FHIP2A: variants seen among roughly 807,000 people sequenced by gnomAD.
FHIP2A encodes FHF complex subunit HOOK interacting protein 2A.
Under a neutral mutation model 93.5 loss-of-function variants are expected in FHIP2A, and 46 were observed. The observed-to-expected ratio is 0.49, with a 90% CI of 0.39 to 0.63. The LOEUF (loss-of-function observed/expected upper bound fraction) is 0.63, where lower values mean the gene tolerates loss of function less well. Among genes scored for constraint, FHIP2A ranks in the 20% least tolerant of loss-of-function variants. The pLI is 0.00. For missense variants in FHIP2A, 769 were observed against 909.7 expected, an observed-to-expected ratio of 0.85 and a Z score of 1.99; for synonymous variants, 332 against 326.5, an observed-to-expected ratio of 1.02 and a Z score of -0.18.
downstream of FHIP2A, among the ~76,000 whole-genome samples, chr10:114,866,946 C>T (rs569232228): frequency 5.9e-5 from 9 of 152,314 alleles, no homozygotes; most frequent in South Asian, 1.2e-3. Context: ...CGGTAGCTCA[C>T]GCCTGTAATC....
At chr10:114,876,062 G>C (rs1435715615) in intron 16 of FHIP2A, among the ~76,000 whole-genome samples, 1 of 152,170 alleles carries the variant, frequency 6.6e-6, no homozygotes, top group Admixed American at 6.5e-5. Context: ...TGAGGGGAAA[G>C]ACTGAGGAGG....
intron 16 of FHIP2A, among the ~76,000 whole-genome samples, chr10:114,882,163 C>T (rs1188837813): frequency 6.6e-6 from 1 of 152,188 alleles, no homozygotes; most frequent in Non-Finnish European, 1.5e-5. Flanking sequence ...GGAGCAGCCT[C>T]AGCTGGGTGG....
intron 8 of FHIP2A, 87 bp from the exon 9 acceptor site, chr10:114,845,926 G>T: frequency 9.8e-7 from 1 of 1,023,318 alleles, no homozygotes; most frequent in Non-Finnish European, 1.5e-6. Flanking sequence ...CATTAATTCA[G>T]TTGGGAGTCC....
At chr10:114,832,636 A>G (rs2083613839) in intron 2 of FHIP2A, among the ~76,000 whole-genome samples, 2 of 151,822 alleles carry the variant, frequency 1.3e-5, no homozygotes, top group African/African-American at 2.4e-5. Flanking sequence ...TCATGTTCCC[A>G]TTTCCCACAT....
chr10:114,847,268 C>G (rs1488861328), intron 12 of FHIP2A, 35 bp downstream of exon 12: 2 of 1,574,584 alleles, frequency 1.3e-6, no homozygotes, highest in South Asian at 2.3e-5. Context: ...TTCCATCTCT[C>G]TTGTTTTTTG....
intron 15 of FHIP2A, 65 bp downstream of exon 15, chr10:114,860,954 C>A: frequency 6.9e-7 from 1 of 1,439,660 alleles, no homozygotes; most frequent in South Asian, 1.2e-5. Flanking sequence ...ATGTTAATAT[C>A]ATTGTATGCA....
chr10:114,841,383 C>T (rs11196946), intron 5 of FHIP2A, among the ~76,000 whole-genome samples: 18,357 of 149,964 alleles, frequency 0.12, 1,279 homozygotes, highest in East Asian at 0.21. Context: ...ACCTCTGCCT[C>T]CCAGATTCAA....
At chr10:114,870,851 A>G (rs1224532320) in intron 16 of FHIP2A, among the ~76,000 whole-genome samples, 2 of 152,122 alleles carry the variant, frequency 1.3e-5, no homozygotes, top group African/African-American at 4.8e-5. Flanking sequence ...CTAGGACGCT[A>G]CAAACTACAT....
At chr10:114,823,535 C>A (rs1045379287) in intron 1 of FHIP2A, among the ~76,000 whole-genome samples, 2 of 151,954 alleles carry the variant, frequency 1.3e-5, no homozygotes, top group Non-Finnish European at 1.5e-5. Flanking sequence ...CATTCTGTCA[C>A]CCAGGTTGGA....
At position 114,847,187 on chromosome 10, in the gene FHIP2A, C is replaced by A; in HGVS notation, c.1666C>A (p.His556Asn). The change falls in exon 12 of 17, where the codon CAC becomes AAC. Residue 556 changes from histidine to asparagine, a missense_variant. Coordinates refer to ENST00000369248, the MANE Select transcript of FHIP2A (RefSeq NM_020940.4). Reference sequence around the variant, plus strand: ...TTCTTCACCTCCTGCTACTCCAGACCACCCCAAAAATGATGGAAAAACTGA... The same window carrying A: ...TTCTTCACCTCCTGCTACTCCAGACAACCCCAAAAATGATGGAAAAACTGA... ...LSSSPPATPD[H>N]PKNDGKTEVH... 6.2e-7 allele frequency: 1 copy of A among 1,613,270 alleles called. No homozygotes were observed. Among genetic ancestry groups the A allele is most frequent in the Non-Finnish European group, 8.5e-7 (1 of 1,179,612 alleles).
At chr10:114,886,538 T>C (rs2083943714) in intron 16 of FHIP2A, among the ~76,000 whole-genome samples, 1 of 152,200 alleles carries the variant, frequency 6.6e-6, no homozygotes, top group South Asian at 2.1e-4. Context: ...TTGCTATTTT[T>C]GTGTTTTGGT....
intron 16 of FHIP2A, among the ~76,000 whole-genome samples, chr10:114,893,239 T>C (rs1286033492): frequency 6.6e-6 from 1 of 152,226 alleles, no homozygotes; most frequent in Non-Finnish European, 1.5e-5. Context: ...AGAGAATGAT[T>C]AGATAAACTA....
At chr10:114,859,339 C>T (rs977623972) in intron 14 of FHIP2A, among the ~76,000 whole-genome samples, 8 of 152,180 alleles carry the variant, frequency 5.3e-5, no homozygotes, top group Non-Finnish European at 7.3e-5. Context: ...GCAGAACTGG[C>T]GTGTGCCCGA....
At chr10:114,866,739 C>A (rs1323116600), downstream of FHIP2A, among the ~76,000 whole-genome samples, 1 of 151,916 alleles carries the variant, frequency 6.6e-6, no homozygotes, top group African/African-American at 2.4e-5. Context: ...GAAACGAGAC[C>A]CAAATGGTGT....
At chr10:114,855,421 A>C in intron 14 of FHIP2A, 81 bp downstream of exon 14, 1 of 1,176,124 alleles carries the variant, frequency 8.5e-7, no homozygotes, top group Non-Finnish European at 1.2e-6. Flanking sequence ...GTAGATCTTC[A>C]ATAAAGTACT....
At chr10:114,860,356 CTTTT>C (rs1017849131) in intron 14 of FHIP2A, among the ~76,000 whole-genome samples, 1 of 151,244 alleles carries the variant, frequency 6.6e-6, no homozygotes, top group Non-Finnish European at 1.5e-5. Context: ...ATTCTGCTTT[CTTTT>C]TTTTTGTTTG....
chr10:114,878,244 A>G lies in FHIP2A; in HGVS notation c.2192+16910A>G, dbSNP rs138671046. Among the ~76,000 whole-genome samples the G allele has an allele frequency of 6.8e-3, 1,039 of 152,308 alleles. 8 individuals carry two copies. Among genetic ancestry groups the G allele is most frequent in the African/African-American group, 0.024 (998 of 41,566 alleles). The stretch of plus-strand genomic sequence containing the variant: ...GCATTATGAATGGCTGCCTAGAATC[A>G]CATTTTGTGAACATACTTCAAATCA... On this transcript the variant is annotated intron_variant, in intron 16 of 16. Transcript: ENST00000369250.
Position 114,864,281 on chromosome 10 carries a change from A to T in FHIP2A, c.*2741A>T. 4 of 984,164 alleles carry T rather than the reference A, an allele frequency of 4.1e-6. No individual in the cohort carries two copies. Among genetic ancestry groups the T allele is most frequent in the Non-Finnish European group, 4.8e-6 (4 of 828,310 alleles). 61.0% of individuals were successfully genotyped at this position (984,164 alleles called of 1,614,324 possible). On this transcript the variant is annotated 3_prime_UTR_variant, in exon 17 of 17. Coordinates refer to ENST00000369248, the MANE Select transcript of FHIP2A (RefSeq NM_020940.4). ...ATTAACATACAATTGCCATTTAATT[A>T]TGAAGTCCATCAGTATTGACAGAAG...
Position 114,862,659 on chromosome 10 carries a change from C to T in FHIP2A, c.*1119C>T. 1 of 985,692 alleles carries T rather than the reference C, an allele frequency of 1.0e-6. No homozygotes were observed. Among genetic ancestry groups the T allele is most frequent in the South Asian group, 4.7e-5 (1 of 21,290 alleles). The allele number at this position is 985,692 out of a possible 1,614,324, so 61.1% of individuals were successfully genotyped here. A position where few individuals can be genotyped will look rare whatever the true frequency, so the allele number is the denominator to read the frequency against. ...TGTAGGAACCTGTAGTTCAGCAAAG[C>T]TGCGCTGGGCACAGCATGCTTGTAC... On this transcript the variant is annotated 3_prime_UTR_variant, in exon 17 of 17. Transcript: ENST00000369248.
Sources: gnomAD v4.1 joint callset for allele counts (sites outside exome capture counted in the v4.1 genomes callset) on GRCh38, gnomAD v4.1.1 for gene constraint, MANE v1.5 for transcripts, NCBI Gene and HGNC (gene_info 2026-07-23, HGNC 2026-07-21) for gene names.